Variants in MAP4K3 observed in about 807,000 individuals in gnomAD.
MAP4K3 encodes mitogen-activated protein kinase kinase kinase kinase 3, also known as MAPK/ERK kinase kinase kinase 3.
MAP4K3 carries 94 observed loss-of-function variants against 143.5 expected under a neutral mutation model. That is an observed-to-expected ratio of 0.65 (90% CI 0.55 to 0.78). The LOEUF is 0.78. Ranked by LOEUF, MAP4K3 falls within the 30% of genes least tolerant of loss-of-function variation. The probability of loss-of-function intolerance (pLI) is 0.00; values close to 1 mark genes in which losing one functional copy is unlikely to be tolerated. For missense variants in MAP4K3, 1,077 were observed against 1,068.1 expected, an observed-to-expected ratio of 1.01 and a Z score of -0.12; for synonymous variants, 416 against 347.2, an observed-to-expected ratio of 1.20 and a Z score of -2.20.
intron 8 of MAP4K3, among the ~76,000 whole-genome samples, chr2:39,330,082 A>T (rs867737363): frequency 2.0e-5 from 3 of 152,220 alleles, no homozygotes; most frequent in Admixed American, 1.3e-4. Context: ...AGCAGGAAAA[A>T]GTACAGCAAA....
rs773004584 is a variant in MAP4K3 at position 39,292,862 on chromosome 2, G to C, written c.1218-36C>G. 1.9e-6 allele frequency: 3 copies of C among 1,554,478 alleles called. No individual in the cohort carries two copies. In the East Asian group the frequency reaches 6.7e-5, roughly 35 times the overall value. On this transcript the variant is annotated intron_variant, in intron 17 of 33. Transcript: ENST00000263881. ...AGGATAATGTCATTGTTATTAAATG[G>C]ATTTTACCAAAACAGTAAGAAGAAA...
chr2:39,272,340 A>T lies in MAP4K3; in HGVS notation c.1916T>A (p.Met639Lys). The change falls in exon 26 of 34, where the codon ATG becomes AAG. Residue 639 changes from methionine to lysine, a missense_variant. Physicochemically the swap from Met to Lys is moderately conservative, Grantham distance 95 (BLOSUM62 -1). This residue lies in a region of MAP4K3 where 864 missense variants were observed against 801.2 expected (regional missense o/e 1.08). Coordinates refer to ENST00000263881, the MANE Select transcript of MAP4K3 (RefSeq NM_003618.4). Reference protein sequence around the residue: ...LPGLFDYARQMQKLPVAIPAH... With the variant: ...LPGLFDYARQKQKLPVAIPAH... The stretch of plus-strand genomic sequence containing the variant: ...TGGAATAGCAACAGGTAACTTTTGC[A>T]TTTGTCTTGCATAATCAAAAAGCCC... The T allele has an allele frequency of 1.2e-6, 2 of 1,613,852 alleles. No individual in the cohort carries two copies. Among genetic ancestry groups the T allele is most frequent in the Non-Finnish European group, 8.5e-7 (1 of 1,179,868 alleles).
At chr2:39,378,763 T>G (rs1304642302) in intron 1 of MAP4K3, among the ~76,000 whole-genome samples, 1 of 152,034 alleles carries the variant, frequency 6.6e-6, no homozygotes, top group African/African-American at 2.4e-5. Flanking sequence ...AACCTATTTT[T>G]GTAAGCCACA....
intron 2 of MAP4K3, among the ~76,000 whole-genome samples, chr2:39,375,436 G>T (rs1049130494): frequency 6.6e-6 from 1 of 151,648 alleles, no homozygotes; most frequent in East Asian, 2.0e-4. Flanking sequence ...AATCTGGACT[G>T]GGGGGGAACT....
At chr2:39,319,526 TC>T (rs1332330259) in intron 12 of MAP4K3, among the ~76,000 whole-genome samples, 5 of 152,082 alleles carry the variant, frequency 3.3e-5, no homozygotes, top group African/African-American at 1.2e-4. Flanking sequence ...CTGGAACCAA[TC>T]CCCCTTGTGT....
chr2:39,419,808 T>C (rs1293101981), intron 1 of MAP4K3, among the ~76,000 whole-genome samples: 1 of 152,160 alleles, frequency 6.6e-6, no homozygotes, highest in Non-Finnish European at 1.5e-5. Context: ...AACATAACTG[T>C]GTGTGGACTG....
rs115815483 is a variant in MAP4K3, at chr2:39,422,241, T to G, written c.96+14651A>C. Among the ~76,000 whole-genome samples, 993 of 152,168 alleles carry G rather than the reference T, an allele frequency of 6.5e-3. 7 individuals are homozygous for G. The highest frequency in any genetic ancestry group is 0.022 in the African/African-American group (932 of 41,504). ...CCATTTCCTCCTGCCTTCTCAATCA[T>G]TTCTAATTAGGATGCTTTACCAACT... On this transcript the variant is annotated intron_variant, in intron 1 of 33. Transcript: ENST00000263881.
Position 39,343,376 on chromosome 2 carries a change from C to A in MAP4K3, c.310+12G>T, listed in dbSNP as rs769356703. 6.2e-7 allele frequency: 1 copy of A among 1,603,148 alleles called. No homozygotes were observed. The highest frequency in any genetic ancestry group is 2.2e-5 in the East Asian group (1 of 44,686). Reference sequence around the variant, plus strand: ...CAACCTAACCCCTATAAAAATACAACTTTGGTCTTACCGTGATAAATATCC... The same window carrying A: ...CAACCTAACCCCTATAAAAATACAAATTTGGTCTTACCGTGATAAATATCC... On this transcript the variant is annotated intron_variant, in intron 4 of 33. Coordinates refer to ENST00000263881, the MANE Select transcript of MAP4K3 (RefSeq NM_003618.4).
rs1417200549 is a variant in MAP4K3 at position 39,325,538 on chromosome 2, A to C, written c.898T>G (p.Phe300Val). 1.9e-6 allele frequency: 3 copies of C among 1,612,150 alleles called. No homozygotes were observed. Among genetic ancestry groups the C allele is most frequent in the Non-Finnish European group, 1.7e-6 (2 of 1,179,190 alleles). ...NNPDHSTYHD[F>V]DDDDPEPLVA... is the part of the protein sequence containing the mutation. ...CCTACCTCAGGATCATCATCATCGA[A>C]ATCATGGTAAGTGGAATGATCTGGA... The change falls in exon 12 of 34, where the codon TTC (phenylalanine) becomes GTC (valine). Residue 300 changes from phenylalanine to valine, a missense_variant. By Grantham distance (50) the Phe-to-Val change is conservative. Around this residue, in one of 2 missense-constraint regions of MAP4K3, gnomAD observed 864 missense variants for 801.2 expected, o/e 1.08. Transcript: ENST00000263881.
chr2:39,371,737 T>C (rs567902195), intron 2 of MAP4K3, among the ~76,000 whole-genome samples: 3 of 151,508 alleles, frequency 2.0e-5, no homozygotes, highest in African/African-American at 2.4e-5. Flanking sequence ...AGTAGCTATA[T>C]CAGAAAAAAA....
chr2:39,319,183 T>C (rs1033230384), intron 12 of MAP4K3, among the ~76,000 whole-genome samples: 1 of 152,074 alleles, frequency 6.6e-6, no homozygotes, highest in Non-Finnish European at 1.5e-5. Flanking sequence ...TCAAATTTAC[T>C]TTTAGGTCTT....
intron 1 of MAP4K3, among the ~76,000 whole-genome samples, chr2:39,406,746 A>C (rs930201325): frequency 6.7e-6 from 1 of 150,178 alleles, no homozygotes; most frequent in Non-Finnish European, 1.5e-5. Context: ...TTCAATCAGA[A>C]AAAAAAAGGA....
At chr2:39,363,879 A>G (rs1159638937) in intron 2 of MAP4K3, among the ~76,000 whole-genome samples, 1 of 151,822 alleles carries the variant, frequency 6.6e-6, no homozygotes, top group Non-Finnish European at 1.5e-5. Flanking sequence ...TTCTCAAAAA[A>G]AGATATACAA....
At chr2:39,298,042 T>C (rs1333555559) in intron 16 of MAP4K3, among the ~76,000 whole-genome samples, 1 of 152,166 alleles carries the variant, frequency 6.6e-6, no homozygotes, top group Non-Finnish European at 1.5e-5. Context: ...TTTTAAAATG[T>C]ATTTTAAATG....
intron 21 of MAP4K3, among the ~76,000 whole-genome samples, chr2:39,284,368 C>T (rs534852871): frequency 1.1e-3 from 168 of 151,928 alleles, no homozygotes; most frequent in Non-Finnish European, 1.9e-3. Flanking sequence ...ACCATGTTGG[C>T]GAGGTTGGTT....
At chr2:39,391,358 CAAAAAAAAAAA>C (rs755777714) in intron 1 of MAP4K3, among the ~76,000 whole-genome samples, 1 of 45,432 alleles carries the variant, frequency 2.2e-5, no homozygotes, top group Non-Finnish European at 3.8e-5. Flanking sequence ...GACTCCATCT[CAAAAAAAAAAA>C]AAAAAAAAAA....
At position 39,307,985 on chromosome 2, in the gene MAP4K3, C is replaced by CA; in HGVS notation, c.1076dup (p.Leu359PhefsTer14). 1 of 1,597,274 alleles carries CA rather than the reference C, an allele frequency of 6.3e-7. No homozygotes were observed. The highest frequency in any genetic ancestry group is 8.5e-7 in the Non-Finnish European group (1 of 1,172,258). Reference sequence around the variant, plus strand: ...TGTAGTATATTTCTTCTGAACTGTCCAAAAAACCATCACTGTCGGGCTGTT... The same window carrying CA: ...TGTAGTATATTTCTTCTGAACTGTCCAAAAAAACCATCACTGTCGGGCTGTT... On this transcript the variant is annotated frameshift_variant, in exon 15 of 34. Coordinates refer to ENST00000263881, the MANE Select transcript of MAP4K3 (RefSeq NM_003618.4). LOFTEE classifies it high-confidence loss of function.
chr2:39,250,723 CAT>C lies in MAP4K3; in HGVS notation c.2598-20_2598-19del, dbSNP rs761689240. ...CCACGACCCTGAAAGTAATAAAAAA[CAT>C]ATAACAAAACAAAGTTATTCCTGAA... On this transcript the variant is annotated intron_variant, in intron 33 of 33. Transcript: ENST00000263881. 3.1e-6 allele frequency: 5 copies of C among 1,603,552 alleles called. No homozygotes were observed. The highest frequency in any genetic ancestry group is 2.7e-5 in the African/African-American group (2 of 74,654).
chr2:39,423,887 C>G (rs1664973448), intron 1 of MAP4K3, among the ~76,000 whole-genome samples: 1 of 152,082 alleles, frequency 6.6e-6, no homozygotes, highest in South Asian at 2.1e-4. Context: ...AGAGTGATGC[C>G]TAATGTATGT....
Sources: allele counts gnomAD v4.1 joint callset (sites outside exome capture counted in the v4.1 genomes callset), GRCh38; gene constraint gnomAD v4.1.1; regional missense constraint gnomAD v4.1.1; transcripts MANE v1.5; gene names NCBI Gene and HGNC (gene_info 2026-07-23, HGNC 2026-07-21).